The following ANKS1B variants were observed in gnomAD, a reference collection of about 807,000 sequenced individuals.
ANKS1B encodes the protein ankyrin repeat and sterile alpha motif domain containing 1B.
ANKS1B carries 36 observed loss-of-function variants against 148.3 expected under a neutral mutation model. That is an observed-to-expected ratio of 0.24 (90% confidence interval 0.19 to 0.32). The LOEUF is 0.32. Among genes scored for constraint, ANKS1B ranks in the 10% least tolerant of loss-of-function variants. ANKS1B has a pLI of 1.00. For missense variants in ANKS1B, 1,157 were observed against 1,542.6 expected (o/e 0.75, Z 4.19); for synonymous variants, 542 against 560.8 (o/e 0.97, Z 0.47).
chr12:99,399,697 G>A lies in ANKS1B; in HGVS notation c.1690C>T (p.Pro564Ser). Residue 564 changes from proline to serine, a missense_variant, in exon 12 of 27, where the codon CCT becomes TCT. Around this residue, in one of 6 missense-constraint regions of ANKS1B, gnomAD observed 661 missense variants for 642.1 expected, o/e 1.03. Coordinates refer to ENST00000683438, the MANE Select transcript of ANKS1B (RefSeq NM_001352186.2). ...TGCTSFTASPPASPPTSSVGT... is the reference protein window; with the variant it reads ...TGCTSFTASPSASPPTSSVGT... Reference sequence around the variant, plus strand: ...ACAGAAGAGGTGGGTGGACTAGCAGGAGGACTGGCAGTAAAGCTTGTGCAC... The same window carrying A: ...ACAGAAGAGGTGGGTGGACTAGCAGAAGGACTGGCAGTAAAGCTTGTGCAC... The A allele has an allele frequency of 6.2e-7, 1 of 1,613,550 alleles. No homozygotes were observed. Among genetic ancestry groups the A allele is most frequent in the Non-Finnish European group, 8.5e-7 (1 of 1,179,538 alleles).
intron 12 of ANKS1B, among the ~76,000 whole-genome samples, chr12:99,253,641 C>A (rs1472043239): frequency 6.6e-6 from 1 of 152,076 alleles, no homozygotes; most frequent in Non-Finnish European, 1.5e-5. Flanking sequence ...AACAGAAAGA[C>A]ACGAGCCCAT....
At chr12:99,425,653 T>C (rs1208185436) in intron 11 of ANKS1B, among the ~76,000 whole-genome samples, 1 of 151,968 alleles carries the variant, frequency 6.6e-6, no homozygotes, top group Non-Finnish European at 1.5e-5. Flanking sequence ...TATAACTTTA[T>C]TGTGCATTTC....
intron 9 of ANKS1B, among the ~76,000 whole-genome samples, chr12:99,527,270 T>C (rs2096936263): frequency 6.6e-6 from 1 of 152,150 alleles, no homozygotes; most frequent in South Asian, 2.1e-4. Context: ...TTTAACATAT[T>C]TACTCCTTGG....
At chr12:99,785,258 CGTGTGTGTGTGTGT>C (rs34228059) in intron 4 of ANKS1B, among the ~76,000 whole-genome samples, 4 of 137,456 alleles carry the variant, frequency 2.9e-5, no homozygotes, top group Non-Finnish European at 6.3e-5. Flanking sequence ...ATCAGTAGGT[CGTGTGTGTGTGTGT>C]GTGTGTGTGT....
rs184139156 is a variant in ANKS1B, at chr12:99,694,339, T to G, written c.1129-39129A>C. 1.3e-3 allele frequency among the ~76,000 whole-genome samples: 195 copies of G among 151,332 alleles called. 1 individual carries two copies. Among genetic ancestry groups the G allele is most frequent in the African/African-American group, 4.6e-3 (188 of 41,278 alleles). On this transcript the variant is annotated intron_variant, in intron 8 of 26. Transcript: ENST00000683438. ...CTGTAATCCCAGCTACTCAGGAGTC[T>G]GAGGCAGAAGAATCGCTTGAACCCG...
At chr12:99,350,334 C>T (rs1211210422) in intron 12 of ANKS1B, among the ~76,000 whole-genome samples, 4 of 151,934 alleles carry the variant, frequency 2.6e-5, no homozygotes, top group African/African-American at 7.3e-5. Flanking sequence ...TATACAGGCT[C>T]AGGTATTTTT....
At chr12:98,741,470 C>T (rs1006026643), downstream of ANKS1B, among the ~76,000 whole-genome samples, 11 of 152,162 alleles carry the variant, frequency 7.2e-5, no homozygotes, top group East Asian at 3.9e-4. Context: ...AACGATTTTG[C>T]GTGAAAATCC....
At chr12:98,884,805 CAAAAAAAAAAA>C (rs35160751) in intron 17 of ANKS1B, among the ~76,000 whole-genome samples, 1 of 83,828 alleles carries the variant, frequency 1.2e-5, no homozygotes, top group Non-Finnish European at 2.4e-5. Context: ...GACTCCGTCT[CAAAAAAAAAAA>C]AAAAAAAAAG....
At chr12:99,490,886 G>C (rs1271011055) in intron 10 of ANKS1B, among the ~76,000 whole-genome samples, 2 of 152,210 alleles carry the variant, frequency 1.3e-5, no homozygotes, top group Non-Finnish European at 2.9e-5. Flanking sequence ...AAGGTGAATA[G>C]TTAAATATGA....
At chr12:99,360,731 C>T (rs371614938) in intron 12 of ANKS1B, among the ~76,000 whole-genome samples, 4 of 152,250 alleles carry the variant, frequency 2.6e-5, no homozygotes, top group South Asian at 4.1e-4. Context: ...AACTGACCCA[C>T]GCCAAGCTGA....
intron 19 of ANKS1B, among the ~76,000 whole-genome samples, chr12:98,827,008 T>C (rs557943608): frequency 2.2e-4 from 34 of 152,266 alleles, no homozygotes; most frequent in Middle Eastern, 3.4e-3. Flanking sequence ...AATTGAGTAG[T>C]TGAGTGGTGA....
chr12:99,933,138 G>A (rs2094667570), intron 1 of ANKS1B, among the ~76,000 whole-genome samples: 1 of 152,156 alleles, frequency 6.6e-6, no homozygotes, highest in Non-Finnish European at 1.5e-5. Flanking sequence ...TTTTATGCCA[G>A]TACTGTGCTG....
chr12:99,579,501 C>T (rs2097549952), intron 9 of ANKS1B, among the ~76,000 whole-genome samples: 3 of 151,800 alleles, frequency 2.0e-5, no homozygotes, highest in Admixed American at 2.0e-4. Flanking sequence ...ACAAAATCAA[C>T]AACAAAAACA....
intron 12 of ANKS1B, among the ~76,000 whole-genome samples, chr12:99,396,951 G>C (rs1292627363): frequency 6.6e-6 from 1 of 151,996 alleles, no homozygotes; most frequent in African/African-American, 2.4e-5. Flanking sequence ...TTCAAATCTG[G>C]AACTAGTCAT....
At chr12:98,832,610 G>A (rs1253702025) in intron 17 of ANKS1B, among the ~76,000 whole-genome samples, 4 of 152,040 alleles carry the variant, frequency 2.6e-5, no homozygotes, top group Admixed American at 2.6e-4. Context: ...CCACCTGCCT[G>A]GAATGCCCCC....
intron 8 of ANKS1B, among the ~76,000 whole-genome samples, chr12:99,746,380 A>G (rs987332828): frequency 3.3e-5 from 5 of 152,214 alleles, no homozygotes; most frequent in Admixed American, 6.5e-5. Context: ...AATTCAAATT[A>G]AAATTCCATT....
chr12:99,367,318 C>T (rs1301209475), intron 12 of ANKS1B, among the ~76,000 whole-genome samples: 2 of 152,126 alleles, frequency 1.3e-5, no homozygotes, highest in East Asian at 3.8e-4. Flanking sequence ...ATTGCTTAAT[C>T]TCACTCATAC....
At chr12:99,455,374 CA>C (rs1384554029) in intron 10 of ANKS1B, among the ~76,000 whole-genome samples, 8 of 152,266 alleles carry the variant, frequency 5.3e-5, no homozygotes, top group African/African-American at 1.4e-4. Context: ...TGTGGAGACC[CA>C]CATCATGAAC....
chr12:99,468,234 A>G (rs894713029), intron 10 of ANKS1B, among the ~76,000 whole-genome samples: 4 of 152,202 alleles, frequency 2.6e-5, no homozygotes, highest in African/African-American at 9.6e-5. Flanking sequence ...CTGGCTAGCC[A>G]TATGTAGAAA....
Sources: allele counts gnomAD v4.1 joint callset (sites outside exome capture counted in the v4.1 genomes callset), GRCh38; gene constraint gnomAD v4.1.1; regional missense constraint gnomAD v4.1.1; transcripts MANE v1.5; gene names NCBI Gene and HGNC (gene_info 2026-07-23, HGNC 2026-07-21).